Variants in SLC25A12 observed in about 807,000 individuals in gnomAD.
SLC25A12 encodes the protein electrogenic aspartate/glutamate antiporter SLC25A12, mitochondrial.
Under a neutral mutation model 83.3 loss-of-function variants are expected in SLC25A12, and 32 were observed. That is an observed-to-expected ratio of 0.38 (90% confidence interval 0.29 to 0.52). The LOEUF (loss-of-function observed/expected upper bound fraction) is 0.52, where lower values mean the gene tolerates loss of function less well. SLC25A12 is among the 20% of genes least tolerant of loss of function. The pLI, the probability that SLC25A12 is intolerant of heterozygous loss-of-function variation, is 0.84. For missense variants in SLC25A12, 611 were observed against 835.6 expected (o/e 0.73, Z 3.31); for synonymous variants, 267 against 291.1 (o/e 0.92, Z 0.84).
intron 13 of SLC25A12, among the ~76,000 whole-genome samples, chr2:171,798,205 C>T (rs1050078705): frequency 1.3e-5 from 2 of 152,124 alleles, no homozygotes; most frequent in Non-Finnish European, 2.9e-5. Context: ...ATGAGAAAAT[C>T]AACTAAAGCT....
chr2:171,880,204 T>C (rs1264608145), intron 2 of SLC25A12, among the ~76,000 whole-genome samples: 1 of 152,208 alleles, frequency 6.6e-6, no homozygotes. Context: ...CATTATACCA[T>C]TTTCTCTTTT....
intron 9 of SLC25A12, 128 bp from the exon 10 acceptor site, chr2:171,815,330 CTT>C (rs1294216545): frequency 1.5e-6 from 1 of 680,112 alleles, no homozygotes; most frequent in Non-Finnish European, 2.7e-6. Context: ...GCAGTAATAT[CTT>C]TTCTAAAAGA....
chr2:171,827,369 G>T lies in SLC25A12; in HGVS notation c.846-487C>A, dbSNP rs117440866. On this transcript the variant is annotated intron_variant, in intron 8 of 17. Transcript: ENST00000422440. ...AGTTTTGACCCATTTTTAGGCAGGA[G>T]AATAGGGTCTGGAGACAGGCAGCCT... Among the ~76,000 whole-genome samples the T allele has an allele frequency of 2.8e-3, 433 of 152,102 alleles. 7 individuals carry two copies. The East Asian group carries it at 0.06, about 21-fold the overall frequency.
At chr2:171,809,423 T>C in intron 13 of SLC25A12, 183 bp downstream of exon 13, 1 of 621,600 alleles carries the variant, frequency 1.6e-6, no homozygotes, top group Non-Finnish European at 2.9e-6. Context: ...GCTACCTCTT[T>C]TCTACACTCA....
chr2:171,840,909 A>G (rs1023376627), intron 5 of SLC25A12, among the ~76,000 whole-genome samples: 1 of 152,222 alleles, frequency 6.6e-6, no homozygotes, highest in Non-Finnish European at 1.5e-5. Context: ...GTCAGAGTGG[A>G]AAAAGTTTCA....
At chr2:171,887,818 A>G (rs1481011336) in intron 2 of SLC25A12, among the ~76,000 whole-genome samples, 1 of 152,224 alleles carries the variant, frequency 6.6e-6, no homozygotes, top group African/African-American at 2.4e-5. Context: ...GTTGTACTCC[A>G]ATTTCATGAA....
Position 171,875,924 on chromosome 2 carries a change from A to AAG in SLC25A12, c.67-7102_67-7101insCT, listed in dbSNP as rs1181090009. 2.7e-3 allele frequency among the ~76,000 whole-genome samples: 399 copies of AAG among 150,186 alleles called. 2 individuals are homozygous for AAG. The highest frequency in any genetic ancestry group is 9.3e-3 in the African/African-American group (380 of 40,952). ...AGACTCTGTCTCAAAAAAAAAAAAA[A>AAG]AAAAAAGAAACCTGCACATGGGCCT... is the stretch of plus-strand genomic sequence containing the variant. On this transcript the variant is annotated intron_variant, in intron 2 of 17. Coordinates refer to ENST00000422440, the MANE Select transcript of SLC25A12 (RefSeq NM_003705.5).
chr2:171,789,623 A>C (rs1405844820), intron 15 of SLC25A12, among the ~76,000 whole-genome samples: 1 of 152,214 alleles, frequency 6.6e-6, no homozygotes, highest in Non-Finnish European at 1.5e-5. Flanking sequence ...AGACAAAGGA[A>C]GGAAGGGGTG....
chr2:171,797,481 G>T (rs1683622492), intron 13 of SLC25A12, among the ~76,000 whole-genome samples: 1 of 152,170 alleles, frequency 6.6e-6, no homozygotes, highest in South Asian at 2.1e-4. Flanking sequence ...ATAGCTGGGA[G>T]AAATAATTTT....
chr2:171,861,303 C>G (rs1685154810), intron 3 of SLC25A12, among the ~76,000 whole-genome samples: 1 of 151,916 alleles, frequency 6.6e-6, no homozygotes, highest in Non-Finnish European at 1.5e-5. Flanking sequence ...CTATTTTAAG[C>G]CCACAGTCAT....
intron 2 of SLC25A12, among the ~76,000 whole-genome samples, chr2:171,876,553 G>GGT (rs1558941988): frequency 7.6e-6 from 1 of 131,914 alleles, no homozygotes; most frequent in Non-Finnish European, 1.7e-5. Context: ...TGGGGGGGGG[G>GGT]GGACTCAAGT....
intron 4 of SLC25A12, among the ~76,000 whole-genome samples, chr2:171,851,920 T>C (rs1248559723): frequency 1.3e-5 from 2 of 152,204 alleles, no homozygotes; most frequent in South Asian, 2.1e-4. Context: ...CTGAATCTAA[T>C]AGTACTGAAC....
At chr2:171,817,285 T>G (rs565302677) in intron 9 of SLC25A12, among the ~76,000 whole-genome samples, 1 of 152,142 alleles carries the variant, frequency 6.6e-6, no homozygotes, top group Non-Finnish European at 1.5e-5. Context: ...ACTAAACACA[T>G]TGGCATACGT....
chr2:171,893,955 T>G (rs2105938562), intron 1 of SLC25A12, among the ~76,000 whole-genome samples: 1 of 152,052 alleles, frequency 6.6e-6, no homozygotes. Flanking sequence ...ACATTACTCT[T>G]CCTTCACTGA....
At chr2:171,852,583 TA>T in intron 4 of SLC25A12, 1 of 423,244 alleles carries the variant, frequency 2.4e-6, no homozygotes, top group South Asian at 1.7e-5. Context: ...AGAATGGATC[TA>T]AAATTTCCTT....
chr2:171,809,599 T>C lies in SLC25A12; in HGVS notation c.1305+7A>G, dbSNP rs2105858725. The C allele has an allele frequency of 1.2e-6, 2 of 1,610,438 alleles. No individual in the cohort carries two copies. The highest frequency in any genetic ancestry group is 8.5e-7 in the Non-Finnish European group (1 of 1,176,654). ...TGTCACAAGAAGCGCCTAACAGTAA[T>C]ACTTACACAGCCTCCAGCAAGAACT... On this transcript the variant is annotated splice_region_variant and intron_variant, in intron 13 of 17. Transcript: ENST00000422440.
chr2:171,847,392 G>A (rs983778548), intron 4 of SLC25A12, among the ~76,000 whole-genome samples: 12 of 152,312 alleles, frequency 7.9e-5, no homozygotes, highest in African/African-American at 2.6e-4. Context: ...CAGAACTGGA[G>A]AGCTTATGCT....
chr2:171,875,016 C>A (rs1445315622), intron 2 of SLC25A12, among the ~76,000 whole-genome samples: 1 of 152,232 alleles, frequency 6.6e-6, no homozygotes, highest in Non-Finnish European at 1.5e-5. Flanking sequence ...CGACTGCAGG[C>A]AGACTCTTCC....
chr2:171,844,403 T>C lies in SLC25A12; in HGVS notation c.431A>G (p.His144Arg), dbSNP rs1684748676. Residue 144 changes from histidine (H) to arginine (R), a missense_variant, in exon 5 of 18, where the codon CAT becomes CGT. Physicochemically the swap from His to Arg is conservative, Grantham distance 29 (BLOSUM62 0). Around this residue, in one of 3 missense-constraint regions of SLC25A12, gnomAD observed 540 missense variants for 777.5 expected, o/e 0.69. Transcript: ENST00000422440. ...RLHFGHNRKK[H>R]LNYTEFTQFL... Reference sequence around the variant, plus strand: ...CTGCGTGAATTCTGTGTAGTTAAGATGCTTCTTCCGGTTATGCCCAAAATG... The same window carrying C: ...CTGCGTGAATTCTGTGTAGTTAAGACGCTTCTTCCGGTTATGCCCAAAATG... 1 of 1,614,100 alleles carries C rather than the reference T, an allele frequency of 6.2e-7. No individual in the cohort carries two copies.
Sources: allele counts gnomAD v4.1 joint callset (sites outside exome capture counted in the v4.1 genomes callset), GRCh38; gene constraint gnomAD v4.1.1; regional missense constraint gnomAD v4.1.1; transcripts MANE v1.5; gene names NCBI Gene and HGNC (gene_info 2026-07-23, HGNC 2026-07-21).